The following ABR variants were observed in gnomAD, a reference collection of about 807,000 sequenced individuals.
The protein encoded by ABR is active breakpoint cluster region-related protein.
In ABR, 35 loss-of-function variants were observed where a neutral mutation model predicts 107.2. That is an observed-to-expected ratio of 0.33 (90% CI 0.25 to 0.43). The LOEUF (loss-of-function observed/expected upper bound fraction) is 0.43. ABR is among the 20% of genes least tolerant of loss of function. The pLI is 1.00. For missense variants in ABR, 815 were observed against 1,115.2 expected, an observed-to-expected ratio of 0.73 and a Z score of 3.83; for synonymous variants, 498 against 462.0, an observed-to-expected ratio of 1.08 and a Z score of -1.00.
rs1359166356 is a variant in ABR at position 1,078,848 on chromosome 17, G to A, written c.700+482C>T. On this transcript the variant is annotated intron_variant, in intron 6 of 22. Coordinates refer to ENST00000302538, the MANE Select transcript of ABR (RefSeq NM_021962.5). This position sits in a 1 kb window ranked among gnomAD's most constrained non-coding sequence, Gnocchi z 7.5. ...AGTTACAGCAGAAGCGAATAATGAG[G>A]AGAATCTCCATGGCAGCCTCTGTCC... 8 of 1,535,508 alleles carry A rather than the reference G, an allele frequency of 5.2e-6. No individual in the cohort carries two copies. The highest frequency in any genetic ancestry group is 2.4e-5 in the East Asian group (1 of 40,914).
intron 1 of ABR, among the ~76,000 whole-genome samples, chr17:1,206,390 TTTA>T (rs1057491221): frequency 5.9e-5 from 9 of 152,324 alleles, no homozygotes; most frequent in Admixed American, 5.2e-4. Context: ...ACTACATTAA[TTTA>T]TTATTATTAA....
intron 1 of ABR, among the ~76,000 whole-genome samples, chr17:1,138,672 T>C (rs1156411712): frequency 2.6e-5 from 4 of 152,012 alleles, no homozygotes; most frequent in Non-Finnish European, 5.9e-5. Context: ...AGACACAGGG[T>C]CTTGCTATGT....
Position 1,124,404 on chromosome 17 carries a change from C to G in ABR, c.246+779G>C, listed in dbSNP as rs578208855. Among the ~76,000 whole-genome samples, 48 of 152,302 alleles carry G rather than the reference C, an allele frequency of 3.2e-4. No homozygotes were observed. The South Asian group carries it at 3.5e-3, about 11-fold the overall frequency. On this transcript the variant is annotated intron_variant, in intron 2 of 22. Coordinates refer to ENST00000302538, the MANE Select transcript of ABR (RefSeq NM_021962.5). ...CCACCGCCTCCTGCAACACACACCC[C>G]CCACAGAGGACCGGCTTGGATTCTT...
chr17:1,096,883 G>A (rs1207280005), intron 3 of ABR, among the ~76,000 whole-genome samples: 2 of 148,124 alleles, frequency 1.4e-5, no homozygotes, highest in Non-Finnish European at 3.0e-5. Flanking sequence ...TGCCCCAGGA[G>A]GAGACAGCTG....
intron 1 of ABR, among the ~76,000 whole-genome samples, chr17:1,218,010 A>G (rs921523005): frequency 4.7e-4 from 71 of 152,184 alleles, no homozygotes; most frequent in African/African-American, 1.7e-3. Flanking sequence ...TTGTATTTTT[A>G]GTGGAGACGG....
In ABR at chr17:1,117,118, T is replaced by TC. The variant is rs2039032868; in HGVS notation, c.246+8064dup. ...AGCGTTATCCCTGAGCCTGAGTTCC[T>TC]CCCAGCGTTATCCCTGAGCCTGAGT... On this transcript the variant is annotated intron_variant, in intron 2 of 22. Transcript: ENST00000302538. Among the ~76,000 whole-genome samples, 11 of 121,296 alleles carry TC rather than the reference T, an allele frequency of 9.1e-5. 1 individual carries two copies. Among genetic ancestry groups the TC allele is most frequent in the Non-Finnish European group, 1.2e-4 (7 of 56,382 alleles). 79.6% of individuals were successfully genotyped at this position (121,296 alleles called of 152,430 possible).
chr17:1,095,714 G>A (rs1314890811), intron 3 of ABR, among the ~76,000 whole-genome samples: 3 of 152,164 alleles, frequency 2.0e-5, no homozygotes, highest in Non-Finnish European at 4.4e-5. Context: ...AGACGGGCCT[G>A]GGCCGGTTCT....
At chr17:1,020,800 C>G (rs539854898) in intron 16 of ABR, among the ~76,000 whole-genome samples, 1 of 152,194 alleles carries the variant, frequency 6.6e-6, no homozygotes, top group Non-Finnish European at 1.5e-5. Flanking sequence ...CCCTGAGGGT[C>G]TCAGCCCTTC....
At chr17:1,223,200 C>G (rs950404118) in intron 1 of ABR, among the ~76,000 whole-genome samples, 3 of 151,714 alleles carry the variant, frequency 2.0e-5, no homozygotes, top group African/African-American at 7.3e-5. Flanking sequence ...CATACTCCAT[C>G]TCAAAAAAAT....
In ABR at chr17:1,027,774, C is replaced by T. The variant is rs369883416; in HGVS notation, c.1792-14610G>A. On this transcript the variant is annotated intron_variant, in intron 16 of 22. Transcript: ENST00000302538. This position sits in a 1 kb window ranked among gnomAD's most constrained non-coding sequence, Gnocchi z 4.7. ...GGTGTGTGTGAACAGAGAAGACGCA[C>T]GATGAAGCTTTCTTCCCACCGGGAA... is the stretch of plus-strand genomic sequence containing the variant. Among the ~76,000 whole-genome samples the T allele has an allele frequency of 1.1e-4, 16 of 151,806 alleles. No individual in the cohort carries two copies. Among genetic ancestry groups the T allele is most frequent in the Non-Finnish European group, 1.8e-4 (12 of 67,920 alleles).
intron 10 of ABR, among the ~76,000 whole-genome samples, chr17:1,065,927 T>G (rs983943581): frequency 2.6e-5 from 4 of 152,250 alleles, no homozygotes; most frequent in African/African-American, 9.6e-5. Flanking sequence ...GTATTTTCAG[T>G]AGAAATGGGG....
At chr17:1,110,042 C>G (rs1436836655) in intron 2 of ABR, among the ~76,000 whole-genome samples, 1 of 149,310 alleles carries the variant, frequency 6.7e-6, no homozygotes, top group Non-Finnish European at 1.5e-5. Context: ...ACCAGCACCC[C>G]CACCTCCTCC....
chr17:1,104,866 T>C (rs1477005791), intron 2 of ABR, among the ~76,000 whole-genome samples: 1 of 152,232 alleles, frequency 6.6e-6, no homozygotes, highest in Non-Finnish European at 1.5e-5. Context: ...TATTGCTGTC[T>C]GAGGTCTTAG....
chr17:1,100,831 A>AC, intron 2 of ABR, 96 bp from the exon 3 acceptor site: 1 of 1,062,798 alleles, frequency 9.4e-7, no homozygotes, highest in Admixed American at 2.2e-5. Flanking sequence ...CCCGACCTTT[A>AC]TTTTTTTTTT....
chr17:1,061,903 C>T (rs1228090572), intron 10 of ABR, among the ~76,000 whole-genome samples: 1 of 152,194 alleles, frequency 6.6e-6, no homozygotes, highest in African/African-American at 2.4e-5. Context: ...AAGAAAATAG[C>T]GCTGTCCCTG....
At chr17:1,036,405 A>G (rs923606246) in intron 16 of ABR, among the ~76,000 whole-genome samples, 4 of 151,320 alleles carry the variant, frequency 2.6e-5, no homozygotes, top group African/African-American at 9.8e-5. Context: ...TCTCAGCACC[A>G]GAGGATCAGG....
At chr17:1,090,982 G>C (rs1446382863) in intron 4 of ABR, among the ~76,000 whole-genome samples, 1 of 152,186 alleles carries the variant, frequency 6.6e-6, no homozygotes, top group African/African-American at 2.4e-5. Context: ...CAGAAGCACA[G>C]GGAACCAGAA....
intron 1 of ABR, among the ~76,000 whole-genome samples, chr17:1,221,734 G>A (rs1167969790): frequency 2.0e-5 from 3 of 152,132 alleles, no homozygotes; most frequent in Non-Finnish European, 4.4e-5. Context: ...AATGAGCAAT[G>A]GCAGAAAGGA....
chr17:1,068,536 G>T (rs867381416), intron 9 of ABR, among the ~76,000 whole-genome samples: 35 of 152,254 alleles, frequency 2.3e-4, no homozygotes, highest in Non-Finnish European at 2.4e-4. Context: ...AATCCAGACT[G>T]CCGCTTCTCA....
Sources: gnomAD v4.1 joint callset for allele counts (sites outside exome capture counted in the v4.1 genomes callset) on GRCh38, gnomAD v4.1.1 for gene constraint, Gnocchi (gnomAD v3.1) non-coding constraint, MANE v1.5 for transcripts, NCBI Gene and HGNC (gene_info 2026-07-23, HGNC 2026-07-21) for gene names.